The following EVI5 variants were observed in gnomAD, a reference collection of about 807,000 sequenced individuals.
EVI5 encodes the protein ecotropic viral integration site 5.
In EVI5, 73 loss-of-function variants were observed where a neutral mutation model predicts 112.0. The observed-to-expected ratio is 0.65, with a 90% confidence interval of 0.54 to 0.79. The LOEUF (loss-of-function observed/expected upper bound fraction) is 0.79. EVI5 is among the 30% of genes least tolerant of loss of function. The pLI is 0.00. For synonymous variants in EVI5, 305 were observed against 319.9 expected (o/e 0.95, Z 0.50); for missense variants, 900 against 968.8 (o/e 0.93, Z 0.94).
intron 19 of EVI5, among the ~76,000 whole-genome samples, chr1:92,537,648 A>G (rs1664111366): frequency 6.6e-6 from 1 of 152,156 alleles, no homozygotes; most frequent in Admixed American, 6.5e-5. Context: ...CAAAGGTTAG[A>G]CTAGTAATAA....
chr1:92,783,832 G>GA (rs1685241918), intron 1 of EVI5, among the ~76,000 whole-genome samples: 1 of 141,410 alleles, frequency 7.1e-6, no homozygotes, highest in South Asian at 2.3e-4. Context: ...AAAAAGAAAA[G>GA]AAAAGAAAAA....
chr1:92,624,126 C>A, intron 16 of EVI5, 50 bp downstream of exon 16: 1 of 1,480,838 alleles, frequency 6.8e-7, no homozygotes, highest in Non-Finnish European at 9.4e-7. Flanking sequence ...TGCACAAACC[C>A]TTGATCAGCT....
chr1:92,745,427 TCACCTCATCTC>T (rs1420501464), intron 1 of EVI5, among the ~76,000 whole-genome samples: 6 of 152,280 alleles, frequency 3.9e-5, no homozygotes, highest in Non-Finnish European at 8.8e-5. Flanking sequence ...ACATACATTA[TCACCTCATCTC>T]CACAGTGCTA....
At chr1:92,669,351 C>T (rs1384929156) in intron 10 of EVI5, among the ~76,000 whole-genome samples, 1 of 151,798 alleles carries the variant, frequency 6.6e-6, no homozygotes, top group Non-Finnish European at 1.5e-5. Context: ...AGTTCGAGAC[C>T]AGCCAGGCCA....
intron 13 of EVI5, among the ~76,000 whole-genome samples, chr1:92,639,179 G>T (rs920342462): frequency 3.3e-5 from 5 of 152,088 alleles, no homozygotes; most frequent in African/African-American, 1.2e-4. Flanking sequence ...CCATTCCAAT[G>T]AAACTGACAG....
At chr1:92,703,320 T>C (rs1671485881) in intron 4 of EVI5, 75 bp downstream of exon 4, 1 of 908,586 alleles carries the variant, frequency 1.1e-6, no homozygotes, top group Non-Finnish European at 1.7e-6. Flanking sequence ...GAGGTCATGC[T>C]TCATCATGAA....
chr1:92,731,697 C>T (rs1415287087), intron 2 of EVI5, among the ~76,000 whole-genome samples: 1 of 152,136 alleles, frequency 6.6e-6, no homozygotes, highest in African/African-American at 2.4e-5. Flanking sequence ...TTAAGATAGA[C>T]ATGTAGACCA....
intron 18 of EVI5, among the ~76,000 whole-genome samples, chr1:92,592,170 G>C (rs1323318031): frequency 2.0e-5 from 3 of 152,168 alleles, no homozygotes; most frequent in Non-Finnish European, 4.4e-5. Flanking sequence ...GTGAACCCAG[G>C]AGGCAGAGCT....
intron 16 of EVI5, among the ~76,000 whole-genome samples, chr1:92,611,479 AC>A (rs1485322741): frequency 6.6e-6 from 1 of 151,722 alleles, no homozygotes; most frequent in Non-Finnish European, 1.5e-5. Context: ...CAGGCGGATC[AC>A]AAGGTCAGGA....
In EVI5 at chr1:92,748,861, G is replaced by A. The variant is rs1306969695; in HGVS notation, c.-81-12234C>T. ...GCGGGCAGATCACCTGAGGTCGGGA[G>A]TTTGACACCAGCCTGACCAACAGAA... is the stretch of plus-strand genomic sequence containing the variant. On this transcript the variant is annotated intron_variant, in intron 1 of 19. Transcript: ENST00000684568. Among the ~76,000 whole-genome samples, 6 of 152,156 alleles carry A rather than the reference G, an allele frequency of 3.9e-5. No individual in the cohort carries two copies. The South Asian group carries it at 1.2e-3, about 32-fold the overall frequency.
intron 4 of EVI5, among the ~76,000 whole-genome samples, chr1:92,703,146 T>C (rs906214508): frequency 3.3e-5 from 5 of 152,162 alleles, no homozygotes; most frequent in Non-Finnish European, 4.4e-5. Flanking sequence ...GATCCCTCTA[T>C]GATATGTGAC....
chr1:92,548,677 T>C (rs1357694798), intron 19 of EVI5, among the ~76,000 whole-genome samples: 4 of 152,104 alleles, frequency 2.6e-5, no homozygotes, highest in East Asian at 3.8e-4. Flanking sequence ...TGTGCAAAAA[T>C]CACAAGCATT....
At chr1:92,579,682 A>G (rs1336533339) in intron 18 of EVI5, among the ~76,000 whole-genome samples, 1 of 152,188 alleles carries the variant, frequency 6.6e-6, no homozygotes, top group Non-Finnish European at 1.5e-5. Flanking sequence ...AGAAAGATCT[A>G]AATGTTTGAG....
At chr1:92,546,158 A>G (rs1043198092) in intron 19 of EVI5, among the ~76,000 whole-genome samples, 1 of 152,158 alleles carries the variant, frequency 6.6e-6, no homozygotes, top group Non-Finnish European at 1.5e-5. Context: ...TTTGTGATCA[A>G]GAAACTGAGG....
At chr1:92,563,809 G>T (rs1354174049) in intron 18 of EVI5, 72 bp from the exon 19 acceptor site, 2 of 868,828 alleles carry the variant, frequency 2.3e-6, no homozygotes, top group African/African-American at 3.3e-5. Flanking sequence ...ATAGTTCAAG[G>T]TATAGGAAAA....
At chr1:92,762,099 C>T (rs1290213097) in intron 1 of EVI5, among the ~76,000 whole-genome samples, 2 of 151,994 alleles carry the variant, frequency 1.3e-5, no homozygotes, top group African/African-American at 2.4e-5. Flanking sequence ...AATAAAAAAA[C>T]ACAAGAGTAG....
chr1:92,542,601 A>ACTATATG (rs1157807424), intron 19 of EVI5, among the ~76,000 whole-genome samples: 4 of 152,196 alleles, frequency 2.6e-5, no homozygotes. Context: ...TATATATGGC[A>ACTATATG]CTATATGTCT....
Position 92,704,536 on chromosome 1 carries a change from C to A in EVI5, c.339+19G>T. On this transcript the variant is annotated intron_variant, in intron 3 of 19. Coordinates refer to ENST00000684568, the MANE Select transcript of EVI5 (RefSeq NM_001350197.2). ...CACTATGGAATAAGAATAAGAACTT[C>A]AACAAAGAACATGAATACCTTAACT... The A allele has an allele frequency of 6.7e-7, 1 of 1,494,870 alleles. No individual in the cohort carries two copies. The highest frequency in any genetic ancestry group is 9.0e-7 in the Non-Finnish European group (1 of 1,109,570). 92.6% of individuals were successfully genotyped at this position (1,494,870 alleles called of 1,614,324 possible).
intron 18 of EVI5, among the ~76,000 whole-genome samples, chr1:92,599,306 G>T (rs57782462): frequency 6.6e-6 from 1 of 151,968 alleles, no homozygotes; most frequent in Non-Finnish European, 1.5e-5. Flanking sequence ...TTACTCGCAA[G>T]AGAGTACCAG....
Sources: allele counts gnomAD v4.1 joint callset (sites outside exome capture counted in the v4.1 genomes callset), GRCh38; gene constraint gnomAD v4.1.1; transcripts MANE v1.5; gene names NCBI Gene and HGNC (gene_info 2026-07-23, HGNC 2026-07-21).